CNTN4: variants seen among roughly 807,000 people sequenced by gnomAD.
CNTN4 encodes contactin-4.
A neutral mutation model predicts 122.5 loss-of-function variants in CNTN4; 77 were observed. The ratio of observed to expected loss-of-function variants is 0.63; its 90% CI spans 0.52 to 0.76. The LOEUF (loss-of-function observed/expected upper bound fraction) is 0.76, where lower values mean the gene tolerates loss of function less well. Among genes scored for constraint, CNTN4 ranks in the 30% least tolerant of loss-of-function variants. The pLI is 0.00. For synonymous variants in CNTN4, 512 were observed against 447.0 expected, an observed-to-expected ratio of 1.15 and a Z score of -1.83; for missense variants, 1,256 against 1,259.1, an observed-to-expected ratio of 1.00 and a Z score of 0.04.
intron 7 of CNTN4, among the ~76,000 whole-genome samples, chr3:2,828,775 C>T (rs74499340): frequency 6.6e-6 from 1 of 152,114 alleles, no homozygotes; most frequent in Admixed American, 6.5e-5. Context: ...GGATCTCACT[C>T]TATCACCTAG....
intron 7 of CNTN4, among the ~76,000 whole-genome samples, chr3:2,849,623 A>G (rs376043238): frequency 6.6e-6 from 1 of 152,210 alleles, no homozygotes; most frequent in African/African-American, 2.4e-5. Context: ...GAGCCCAAAC[A>G]TTGGCTGTTC....
chr3:2,659,018 C>T (rs968847706), intron 4 of CNTN4, among the ~76,000 whole-genome samples: 2 of 146,906 alleles, frequency 1.4e-5, no homozygotes, highest in Non-Finnish European at 3.0e-5. Flanking sequence ...ACAGAACTAA[C>T]CTAATATTTC....
chr3:2,934,595 G>T (rs1411746455), intron 13 of CNTN4, among the ~76,000 whole-genome samples: 2 of 152,210 alleles, frequency 1.3e-5, no homozygotes, highest in Non-Finnish European at 2.9e-5. Flanking sequence ...AAAGTTTATT[G>T]CTTCAGGCAT....
intron 14 of CNTN4, chr3:2,989,025 C>T (rs560491422): frequency 1.3e-5 from 2 of 154,916 alleles, no homozygotes; most frequent in South Asian, 2.0e-4. Context: ...TATACCATAG[C>T]CTGGGTGCTT....
At chr3:2,328,334 A>G (rs1145036) in intron 2 of CNTN4, among the ~76,000 whole-genome samples, 46,266 of 149,802 alleles carry the variant, frequency 0.31, 7,493 homozygotes, top group Admixed American at 0.39. Flanking sequence ...GGAACCCGGG[A>G]GGCGGAGCTT....
At chr3:2,143,483 G>A (rs1037546051) in intron 2 of CNTN4, among the ~76,000 whole-genome samples, 1 of 152,124 alleles carries the variant, frequency 6.6e-6, no homozygotes, top group African/African-American at 2.4e-5. Flanking sequence ...TCCTGAGAAG[G>A]AGGTGATACT....
chr3:3,000,936 TG>T (rs1463328051), intron 14 of CNTN4, among the ~76,000 whole-genome samples: 8 of 151,610 alleles, frequency 5.3e-5, no homozygotes, highest in African/African-American at 1.7e-4. Flanking sequence ...CAATGCAGTA[TG>T]GGTTGAAAAG....
At chr3:2,798,366 A>ATCTACCT (rs57013365) in intron 6 of CNTN4, among the ~76,000 whole-genome samples, 7 of 135,374 alleles carry the variant, frequency 5.2e-5, no homozygotes, top group African/African-American at 1.9e-4. Flanking sequence ...TACACACATA[A>ATCTACCT]ATCTATCTAT....
intron 8 of CNTN4, among the ~76,000 whole-genome samples, chr3:2,876,563 T>A (rs1229963360): frequency 6.6e-6 from 1 of 152,186 alleles, no homozygotes; most frequent in Non-Finnish European, 1.5e-5. Context: ...AAGGCAGGTG[T>A]TGGCAAAAAT....
intron 4 of CNTN4, among the ~76,000 whole-genome samples, chr3:2,668,324 A>T (rs1473123811): frequency 6.6e-6 from 1 of 152,008 alleles, no homozygotes; most frequent in Non-Finnish European, 1.5e-5. Context: ...TGTAAGTTGG[A>T]TTCCTAGCTA....
chr3:2,379,869 A>C (rs1020962661), intron 3 of CNTN4, among the ~76,000 whole-genome samples: 2 of 152,062 alleles, frequency 1.3e-5, no homozygotes, highest in Non-Finnish European at 2.9e-5. Context: ...AACCTGACAA[A>C]CATGGAGAAA....
At chr3:2,797,682 T>C (rs937146778) in intron 6 of CNTN4, among the ~76,000 whole-genome samples, 1 of 152,194 alleles carries the variant, frequency 6.6e-6, no homozygotes, top group African/African-American at 2.4e-5. Flanking sequence ...ACTGCAAAGT[T>C]TTTTTGTGCA....
chr3:2,682,759 A>G (rs1253853779), intron 4 of CNTN4, among the ~76,000 whole-genome samples: 3 of 152,184 alleles, frequency 2.0e-5, no homozygotes, highest in Non-Finnish European at 1.5e-5. Flanking sequence ...TGCACCCTGT[A>G]TCATATCATA....
intron 7 of CNTN4, among the ~76,000 whole-genome samples, chr3:2,821,717 G>C (rs543575321): frequency 6.6e-6 from 1 of 152,142 alleles, no homozygotes; most frequent in Non-Finnish European, 1.5e-5. Context: ...TAGTGTGGAG[G>C]TTTAATAAGT....
At chr3:2,375,503 C>T (rs1307153546) in intron 3 of CNTN4, among the ~76,000 whole-genome samples, 1 of 152,124 alleles carries the variant, frequency 6.6e-6, no homozygotes, top group Non-Finnish European at 1.5e-5. Flanking sequence ...GCAGAAAAGG[C>T]CGCCTGGGTG....
At chr3:2,748,754 T>C (rs2089933449) in intron 6 of CNTN4, among the ~76,000 whole-genome samples, 1 of 152,232 alleles carries the variant, frequency 6.6e-6, no homozygotes, top group Non-Finnish European at 1.5e-5. Flanking sequence ...CTGCATCGTC[T>C]TGAGCCTTTC....
chr3:2,368,339 T>A (rs1043580837), intron 3 of CNTN4, among the ~76,000 whole-genome samples: 1 of 152,172 alleles, frequency 6.6e-6, no homozygotes, highest in Admixed American at 6.5e-5. Flanking sequence ...GCCTCTTTTT[T>A]TGTTTTAACC....
chr3:2,787,203 C>A lies in CNTN4; in HGVS notation c.359-32283C>A, dbSNP rs908165634. Among the ~76,000 whole-genome samples the A allele has an allele frequency of 2.0e-4, 30 of 152,146 alleles. No individual in the cohort carries two copies. In the East Asian group the frequency reaches 5.2e-3, roughly 26 times the overall value. ...ACCAGCCTGGCCAATATGGCGAAACCCTGTCTCTATTAAAAATACAAAAAC... is the reference window on the plus strand; with the variant it reads ...ACCAGCCTGGCCAATATGGCGAAACACTGTCTCTATTAAAAATACAAAAAC... On this transcript the variant is annotated intron_variant, in intron 6 of 24. Coordinates refer to ENST00000418658, the MANE Select transcript of CNTN4 (RefSeq NM_175607.3).
At chr3:2,679,705 T>G (rs1345180161) in intron 4 of CNTN4, among the ~76,000 whole-genome samples, 2 of 152,182 alleles carry the variant, frequency 1.3e-5, no homozygotes, top group Non-Finnish European at 2.9e-5. Context: ...TCTTGGTTCC[T>G]TCTACCCAAT....
Sources: allele counts gnomAD v4.1 joint callset (sites outside exome capture counted in the v4.1 genomes callset), GRCh38; gene constraint gnomAD v4.1.1; transcripts MANE v1.5; gene names NCBI Gene and HGNC (gene_info 2026-07-23, HGNC 2026-07-21).